The following SHANK2 variants were observed in gnomAD, a reference collection of about 807,000 sequenced individuals.
SHANK2 encodes the protein SH3 and multiple ankyrin repeat domains protein 2.
SHANK2 carries 43 observed loss-of-function variants against 133.7 expected under a neutral mutation model. That is an observed-to-expected ratio of 0.32 (90% CI 0.25 to 0.41). SHANK2 has a LOEUF of 0.41. Among genes scored for constraint, SHANK2 ranks in the 10% least tolerant of loss-of-function variants. The pLI is 1.00. For synonymous variants in SHANK2, 1,017 were observed against 952.8 expected, an observed-to-expected ratio of 1.07 and a Z score of -1.24; for missense variants, 1,994 against 2,235.8, an observed-to-expected ratio of 0.89 and a Z score of 2.18.
At chr11:70,582,860 C>CTGGGGA (rs2060201591) in intron 17 of SHANK2, among the ~76,000 whole-genome samples, 1 of 152,172 alleles carries the variant, frequency 6.6e-6, no homozygotes, top group Non-Finnish European at 1.5e-5. Context: ...TCAGTCTGGG[C>CTGGGGA]TGGGGATGGG....
At chr11:71,140,538 G>C (rs1952534846) in intron 3 of SHANK2, among the ~76,000 whole-genome samples, 1 of 152,242 alleles carries the variant, frequency 6.6e-6, no homozygotes, top group Non-Finnish European at 1.5e-5. Flanking sequence ...GCCGATGGAG[G>C]ACCTCAGTGG....
Position 70,500,488 on chromosome 11 carries a change from C to T in SHANK2, c.2308+82G>A. ...ACAAGGCTTTGCGACACATTTGAGA[C>T]TTCACGGCATCACAAAGGATGTTTC... On this transcript the variant is annotated intron_variant, in intron 21 of 25. Coordinates refer to ENST00000601538, the MANE Select transcript of SHANK2 (RefSeq NM_012309.5). This position sits in a 1 kb window ranked among gnomAD's most constrained non-coding sequence, Gnocchi z 4.5. 6.5e-7 allele frequency: 1 copy of T among 1,547,932 alleles called. No homozygotes were observed. Among genetic ancestry groups the T allele is most frequent in the Non-Finnish European group, 8.8e-7 (1 of 1,141,208 alleles).
intron 10 of SHANK2, chr11:70,952,744 G>A (rs570962905): frequency 4.0e-4 from 166 of 419,908 alleles, no homozygotes; most frequent in African/African-American, 3.1e-3. Flanking sequence ...CCCTGGCTTC[G>A]TGTGTCCGGG....
chr11:70,559,539 A>G (rs1286537216), intron 17 of SHANK2, among the ~76,000 whole-genome samples: 1 of 152,102 alleles, frequency 6.6e-6, no homozygotes, highest in Non-Finnish European at 1.5e-5. Flanking sequence ...TGACAGTGGC[A>G]CGGCACTCCT....
At chr11:71,213,623 C>A (rs1458920362) in intron 2 of SHANK2, among the ~76,000 whole-genome samples, 3 of 152,148 alleles carry the variant, frequency 2.0e-5, no homozygotes, top group Admixed American at 2.0e-4. Context: ...TGAGGGTCTC[C>A]TTCTGATGTT....
chr11:70,564,871 T>C (rs1411210251), intron 17 of SHANK2, among the ~76,000 whole-genome samples: 1 of 152,204 alleles, frequency 6.6e-6, no homozygotes, highest in African/African-American at 2.4e-5. Context: ...CTAAAATATA[T>C]ACAACAAAAT....
chr11:71,242,006 A>G (rs1484126935), intron 1 of SHANK2, among the ~76,000 whole-genome samples: 4 of 152,250 alleles, frequency 2.6e-5, no homozygotes, highest in Non-Finnish European at 5.9e-5. Flanking sequence ...GGATGGATGA[A>G]TGTATAAACA....
Position 70,661,590 on chromosome 11 carries a change from T to C in SHANK2, c.1936+6A>G, listed in dbSNP as rs782710482. 1 of 1,612,236 alleles carries C rather than the reference T, an allele frequency of 6.2e-7. No homozygotes were observed. The highest frequency in any genetic ancestry group is 1.7e-5 in the Admixed American group (1 of 59,900). ...ACATATTCAGGCTCAGAGCGGCTGC[T>C]CTTACCTTTGGCCCCTCGAAGCACG... On this transcript the variant is annotated splice_donor_region_variant and intron_variant, in intron 16 of 25. Coordinates refer to ENST00000601538, the MANE Select transcript of SHANK2 (RefSeq NM_012309.5).
intron 8 of SHANK2, among the ~76,000 whole-genome samples, chr11:71,078,747 G>T (rs1478829718): frequency 1.3e-5 from 2 of 152,344 alleles, no homozygotes; most frequent in Non-Finnish European, 2.9e-5. Flanking sequence ...CGACTCAGAA[G>T]TTACCACCCT....
chr11:70,480,543 T>G (rs2058719834), intron 25 of SHANK2, among the ~76,000 whole-genome samples: 2 of 152,188 alleles, frequency 1.3e-5, no homozygotes, highest in Admixed American at 6.5e-5. Context: ...GTCTTATTAT[T>G]TGTTGTCCAT....
chr11:70,735,626 C>T (rs1372227479), intron 14 of SHANK2, among the ~76,000 whole-genome samples: 10 of 151,436 alleles, frequency 6.6e-5, no homozygotes, highest in African/African-American at 2.4e-4. Context: ...ATTGCTTGAA[C>T]CTAGGAGGTG....
chr11:70,505,419 G>A (rs34584658), intron 17 of SHANK2, among the ~76,000 whole-genome samples: 36,816 of 151,782 alleles, frequency 0.24, 4,902 homozygotes, highest in African/African-American at 0.36. Flanking sequence ...CTCAGGAGCC[G>A]CGAGGCCAAT....
intron 17 of SHANK2, among the ~76,000 whole-genome samples, chr11:70,611,963 A>C (rs1456548330): frequency 4.4e-4 from 2 of 4,534 alleles, no homozygotes; most frequent in Non-Finnish European, 4.2e-4. Flanking sequence ...GAGGTGGGGG[A>C]GGGGGGGCGG....
intron 10 of SHANK2, among the ~76,000 whole-genome samples, chr11:70,932,058 G>A (rs1404612656): frequency 4.6e-5 from 7 of 152,116 alleles, no homozygotes; most frequent in Non-Finnish European, 4.4e-5. Context: ...CTATGATACG[G>A]TATCTTCCAT....
rs1949550261 is a variant in SHANK2, at chr11:70,875,742, C to T, written c.1174+20759G>A. On this transcript the variant is annotated intron_variant, in intron 11 of 25. Coordinates refer to ENST00000601538, the MANE Select transcript of SHANK2 (RefSeq NM_012309.5). The stretch of plus-strand genomic sequence containing the variant: ...TGGTGACGCATACCTGTGGTCCCAG[C>T]TACTTGGGGGGCTGAAGTGGGAGGA... Among the ~76,000 whole-genome samples, 3 of 151,858 alleles carry T rather than the reference C, an allele frequency of 2.0e-5. No individual in the cohort carries two copies. The South Asian group carries it at 6.3e-4, about 32-fold the overall frequency.
At chr11:70,949,646 T>G (rs1555086100) in intron 10 of SHANK2, among the ~76,000 whole-genome samples, 1 of 152,184 alleles carries the variant, frequency 6.6e-6, no homozygotes, top group East Asian at 1.9e-4. Context: ...GGGGGCCGGC[T>G]GGACACAACC....
chr11:70,649,283 G>T (rs2061310796), intron 17 of SHANK2, among the ~76,000 whole-genome samples: 1 of 152,184 alleles, frequency 6.6e-6, no homozygotes, highest in Non-Finnish European at 1.5e-5. Context: ...TCTGCTCCAT[G>T]GGACCCATCT....
At chr11:70,550,655 T>C (rs2059753200) in intron 17 of SHANK2, among the ~76,000 whole-genome samples, 1 of 152,160 alleles carries the variant, frequency 6.6e-6, no homozygotes, top group South Asian at 2.1e-4. Context: ...CTGAGCGATG[T>C]TGTTAGCGAA....
chr11:70,651,099 C>T (rs191196091), intron 17 of SHANK2, among the ~76,000 whole-genome samples: 69 of 152,354 alleles, frequency 4.5e-4, no homozygotes, highest in Non-Finnish European at 8.1e-4. Context: ...TGGATTCAAA[C>T]CTGGATCATA....
Sources: allele counts gnomAD v4.1 joint callset (sites outside exome capture counted in the v4.1 genomes callset), GRCh38; gene constraint gnomAD v4.1.1; non-coding constraint Gnocchi (gnomAD v3.1); transcripts MANE v1.5; gene names NCBI Gene and HGNC (gene_info 2026-07-23, HGNC 2026-07-21).